The following SLC26A4 variants were observed in gnomAD, a reference collection of about 807,000 sequenced individuals.
SLC26A4 encodes solute carrier family 26 member 4, also known as pendrin.
A neutral mutation model predicts 90.4 loss-of-function variants in SLC26A4; 93 were observed. The ratio of observed to expected loss-of-function variants is 1.03; its 90% CI spans 0.87 to 1.22. The LOEUF is 1.22. SLC26A4 is among the 50% of genes most tolerant of loss of function. The probability of loss-of-function intolerance (pLI) is 0.00; values close to 1 mark genes in which losing one functional copy is unlikely to be tolerated. For synonymous variants in SLC26A4, 393 were observed against 354.6 expected, an observed-to-expected ratio of 1.11 and a Z score of -1.22; for missense variants, 1,127 against 946.2, an observed-to-expected ratio of 1.19 and a Z score of -2.51.
intron 8 of SLC26A4, among the ~76,000 whole-genome samples, chr7:107,686,284 TCCC>T (rs1791399576): frequency 8.4e-6 from 1 of 119,008 alleles, no homozygotes; most frequent in African/African-American, 3.1e-5. Flanking sequence ...CTCCCTTCCC[TCCC>T]TTTCCTACCT....
chr7:107,712,173 G>A (rs1283135667), intron 19 of SLC26A4, among the ~76,000 whole-genome samples: 2 of 152,142 alleles, frequency 1.3e-5, no homozygotes, highest in Non-Finnish European at 2.9e-5. Flanking sequence ...TCTTCACTGT[G>A]CATTCATTGC....
intron 6 of SLC26A4, among the ~76,000 whole-genome samples, chr7:107,681,239 C>G (rs1791221478): frequency 1.3e-5 from 2 of 152,120 alleles, no homozygotes; most frequent in African/African-American, 4.8e-5. Context: ...CAAGAGTCTT[C>G]CTACAAGTTA....
chr7:107,711,302 C>A (rs1792179362), intron 19 of SLC26A4, among the ~76,000 whole-genome samples: 1 of 152,086 alleles, frequency 6.6e-6, no homozygotes, highest in South Asian at 2.1e-4. Flanking sequence ...AAGAGATCCA[C>A]ATTAAAAGTA....
intron 19 of SLC26A4, among the ~76,000 whole-genome samples, chr7:107,710,813 T>C (rs1251437854): frequency 6.6e-6 from 1 of 152,224 alleles, no homozygotes; most frequent in Non-Finnish European, 1.5e-5. Context: ...GTGAGCATTC[T>C]GGTCTGGTTC....
intron 6 of SLC26A4, among the ~76,000 whole-genome samples, chr7:107,680,244 A>C (rs1188436002): frequency 7.7e-6 from 1 of 129,822 alleles, no homozygotes. Context: ...ATTATATAAT[A>C]TAATCTTATT....
At chr7:107,674,106 A>C in intron 4 of SLC26A4, 58 bp from the exon 5 acceptor site, 1 of 1,477,300 alleles carries the variant, frequency 6.8e-7, no homozygotes, top group Non-Finnish European at 9.5e-7. Flanking sequence ...CCCTATGCAG[A>C]CACATTGAAC....
rs1399914687 is a variant in SLC26A4, at chr7:107,704,370, T to C, written c.2074T>C (p.Phe692Leu). Reference protein sequence around the residue: ...EFQRIDVNVYFASLQDYVIEK... With the variant: ...EFQRIDVNVYLASLQDYVIEK... ...CCAAAGAATTGATGTGAATGTGTAT[T>C]TTGCATCACTTCAAGGTAAATACAT... The change falls in exon 18 of 21, where the codon TTT becomes CTT. Residue 692 changes from phenylalanine (F) to leucine (L), a missense_variant. Transcript: ENST00000644269. The C allele has an allele frequency of 5.1e-6, 7 of 1,373,876 alleles. No individual in the cohort carries two copies. The East Asian group carries it at 1.4e-4, about 27-fold the overall frequency. The allele number at this position is 1,373,876 out of a possible 1,614,324, so 85.1% of individuals were successfully genotyped here. A position where few individuals can be genotyped will look rare whatever the true frequency, so the allele number is the denominator to read the frequency against.
At chr7:107,694,318 A>C (rs1242781716) in intron 10 of SLC26A4, 85 bp from the exon 11 acceptor site, 3 of 959,730 alleles carry the variant, frequency 3.1e-6, no homozygotes, top group African/African-American at 1.6e-5. Flanking sequence ...GTCTGTGAAC[A>C]GGCTGTCTCA....
At chr7:107,690,477 G>T (rs576004554) in intron 10 of SLC26A4, among the ~76,000 whole-genome samples, 1 of 152,276 alleles carries the variant, frequency 6.6e-6, no homozygotes, top group South Asian at 2.1e-4. Context: ...TACCTGTCAT[G>T]TAGCTACACT....
At position 107,712,632 on chromosome 7, in the gene SLC26A4, T is replaced by A; in HGVS notation, c.2319+10T>A. ...TGATGTCCAGGATGAGGTATGATCA[T>A]TTTCTTCTGAAGAAAATATTTGAAT... On this transcript the variant is annotated intron_variant, in intron 20 of 20. Coordinates refer to ENST00000644269, the MANE Select transcript of SLC26A4 (RefSeq NM_000441.2). 2 of 1,405,184 alleles carry A rather than the reference T, an allele frequency of 1.4e-6. No homozygotes were observed. Among genetic ancestry groups the A allele is most frequent in the Non-Finnish European group, 2.0e-6 (2 of 989,718 alleles). The allele number at this position is 1,405,184 out of a possible 1,614,324, so 87.0% of individuals were successfully genotyped here. A position where few individuals can be genotyped will look rare whatever the true frequency, so the allele number is the denominator to read the frequency against.
At position 107,661,600 on chromosome 7, in the gene SLC26A4, A is replaced by C; in HGVS notation, c.-3-39A>C. On this transcript the variant is annotated intron_variant, in intron 1 of 20. Coordinates refer to ENST00000644269, the MANE Select transcript of SLC26A4 (RefSeq NM_000441.2). This position sits in a 1 kb window ranked among gnomAD's most constrained non-coding sequence, Gnocchi z 5.1. The stretch of plus-strand genomic sequence containing the variant: ...TCTTCCCCTCCGATCGTCCTCGCTT[A>C]CCGCGTGTCCTCCCTCCTCGCTGTC... The C allele has an allele frequency of 6.5e-7, 1 of 1,539,268 alleles. No individual in the cohort carries two copies.
rs768369470 is a variant in SLC26A4, at chr7:107,674,344, T to C, written c.596T>C (p.Ile199Thr). 10 of 1,609,218 alleles carry C rather than the reference T, an allele frequency of 6.2e-6. No individual in the cohort carries two copies. Among genetic ancestry groups the C allele is most frequent in the Admixed American group, 1.7e-5 (1 of 60,018 alleles). ...ASALTLLVGI[I>T]QLIFGGLQIG... ...GCCCTGACTCTGCTGGTTGGAATTA[T>C]ACAGGTAATGAACTTACAAGTAAAA... is the stretch of plus-strand genomic sequence containing the variant. The change falls in exon 5 of 21, where the codon ATA (isoleucine) becomes ACA (threonine). Residue 199 changes from isoleucine (I) to threonine (T), a missense_variant. Transcript: ENST00000644269.
At chr7:107,712,702 A>T in intron 20 of SLC26A4, 80 bp downstream of exon 20, 2 of 809,616 alleles carry the variant, frequency 2.5e-6, no homozygotes, top group Non-Finnish European at 4.4e-6. Flanking sequence ...AATATATCTG[A>T]TTAAGAACTG....
chr7:107,672,281 C>A, intron 4 of SLC26A4, 33 bp downstream of exon 4: 1 of 1,400,064 alleles, frequency 7.1e-7, no homozygotes. Flanking sequence ...ATTATATTTG[C>A]TCATGTTTAA....
At chr7:107,662,076 T>C (rs950027070) in intron 2 of SLC26A4, 24 of 535,420 alleles carry the variant, frequency 4.5e-5, no homozygotes, top group South Asian at 9.8e-5. Flanking sequence ...GTCTCTCTTT[T>C]TCCTCTCTGA....
chr7:107,677,457 C>T (rs1243231791), intron 6 of SLC26A4, among the ~76,000 whole-genome samples: 1 of 152,072 alleles, frequency 6.6e-6, no homozygotes, highest in Admixed American at 6.6e-5. Context: ...TTATTATTAT[C>T]ACAGATGAAT....
chr7:107,698,587 G>A (rs976632896), intron 14 of SLC26A4, among the ~76,000 whole-genome samples: 16 of 152,158 alleles, frequency 1.1e-4, no homozygotes, highest in Admixed American at 2.6e-4. Flanking sequence ...AAAGAGTTGG[G>A]ATTACAGGCG....
At chr7:107,706,973 A>C (rs1476043438) in intron 18 of SLC26A4, among the ~76,000 whole-genome samples, 1 of 152,180 alleles carries the variant, frequency 6.6e-6, no homozygotes, top group Non-Finnish European at 1.5e-5. Flanking sequence ...GTTTGAGACC[A>C]GCCTGGCAAC....
intron 3 of SLC26A4, among the ~76,000 whole-genome samples, chr7:107,668,456 T>G (rs1584300252): frequency 6.6e-6 from 1 of 151,978 alleles, no homozygotes; most frequent in Non-Finnish European, 1.5e-5. Flanking sequence ...ATTTTGGAGG[T>G]GGTGGTGTGG....
Sources: allele counts gnomAD v4.1 joint callset (sites outside exome capture counted in the v4.1 genomes callset), GRCh38; gene constraint gnomAD v4.1.1; non-coding constraint Gnocchi (gnomAD v3.1); transcripts MANE v1.5; gene names NCBI Gene and HGNC (gene_info 2026-07-23, HGNC 2026-07-21).